Variants in QNG1 observed in about 807,000 individuals in gnomAD.
QNG1 encodes Q-nucleotide N-glycosylase 1.
chr9:83,946,465 G>T, the QNG1 span, among the ~76,000 whole-genome samples: 5 of 152,156 alleles, frequency 3.3e-5, no homozygotes, highest in South Asian at 2.1e-4. Flanking sequence ...GCTAGAAAAT[G>T]ATCATATTTA....
At chr9:83,945,713 TGCCTCA>T in the QNG1 span, among the ~76,000 whole-genome samples, 1 of 152,038 alleles carries the variant, frequency 6.6e-6, no homozygotes, top group South Asian at 2.1e-4. Flanking sequence ...GCCATTCTCC[TGCCTCA>T]GCCTCCCGAG....
chr9:83,947,345 C>T, the QNG1 span, among the ~76,000 whole-genome samples: 2 of 152,144 alleles, frequency 1.3e-5, no homozygotes, highest in Non-Finnish European at 2.9e-5. Context: ...GATGACACTA[C>T]AGATTCTTTT....
the QNG1 span, chr9:83,939,867 T>C: frequency 1.5e-6 from 1 of 667,526 alleles, no homozygotes; most frequent in Non-Finnish European, 2.6e-6. Context: ...ATCTCAGACG[T>C]TATTTTTGGT....
the QNG1 span, chr9:83,956,389 T>G: frequency 6.2e-7 from 1 of 1,603,142 alleles, no homozygotes; most frequent in Non-Finnish European, 8.5e-7. Flanking sequence ...CCCGCCGCCT[T>G]GGCCAGCAGC....
the QNG1 span, chr9:83,956,849 G>C: frequency 4.4e-5 from 10 of 229,342 alleles, no homozygotes; most frequent in Non-Finnish European, 5.9e-5. Context: ...GCCGTGAGTT[G>C]CCCACCCTGG....
At chr9:83,948,519 G>T in the QNG1 span, among the ~76,000 whole-genome samples, 31 of 147,136 alleles carry the variant, frequency 2.1e-4, no homozygotes, top group Admixed American at 1.5e-3. Context: ...GGGAGGGGGG[G>T]GGCGCCTCTG....
chr9:83,954,754 C>A, the QNG1 span, among the ~76,000 whole-genome samples: 1 of 149,798 alleles, frequency 6.7e-6, no homozygotes, highest in Admixed American at 6.7e-5. Flanking sequence ...GTGGCGGGCA[C>A]CTGTAATCCC....
the QNG1 span, among the ~76,000 whole-genome samples, chr9:83,943,331 C>CAAAAAAAAAAAAA: frequency 3.2e-5 from 2 of 62,548 alleles, no homozygotes; most frequent in Non-Finnish European, 7.0e-5. Flanking sequence ...CAGAGCGTCT[C>CAAAAAAAAAAAAA]AAAAAAAAAA....
the QNG1 span, among the ~76,000 whole-genome samples, chr9:83,941,885 G>A: frequency 4.6e-5 from 7 of 150,776 alleles, 1 homozygote; most frequent in Admixed American, 3.3e-4. Context: ...TGCACTGGGC[G>A]ACAAGAACAA....
At chr9:83,950,596 C>CTTTTTT in the QNG1 span, among the ~76,000 whole-genome samples, 2 of 118,324 alleles carry the variant, frequency 1.7e-5, no homozygotes, top group Non-Finnish European at 3.5e-5. Context: ...CTTTTCTTTT[C>CTTTTTT]TTTTTTTTTT....
chr9:83,956,838 G>T, the QNG1 span: 1 of 246,116 alleles, frequency 4.1e-6, no homozygotes, highest in Non-Finnish European at 7.8e-6. Context: ...GGCGTTCACC[G>T]GCCGTGAGTT....
chr9:83,942,835 T>C, the QNG1 span, among the ~76,000 whole-genome samples: 26,213 of 152,046 alleles, frequency 0.17, 2,816 homozygotes, highest in Non-Finnish European at 0.24. Context: ...TGAGTGCCAG[T>C]GGATATTGGA....
At chr9:83,944,892 G>C in the QNG1 span, 16 of 1,613,970 alleles carry the variant, frequency 9.9e-6, no homozygotes, top group Non-Finnish European at 1.4e-5. Context: ...GGTGATACTG[G>C]AGATGTCCTT....
the QNG1 span, chr9:83,956,145 T>C: frequency 1.9e-6 from 3 of 1,605,256 alleles, no homozygotes; most frequent in Non-Finnish European, 2.5e-6. Context: ...TTAGGTCCGA[T>C]GGCAAGTATG....
the QNG1 span, chr9:83,953,789 AT>A: frequency 6.5e-7 from 1 of 1,548,464 alleles, no homozygotes. Context: ...CAAAAACAAA[AT>A]CCGGGTGCAG....
At chr9:83,938,652 T>C in the QNG1 span, 1 of 149,436 alleles carries the variant, frequency 6.7e-6, no homozygotes, top group Non-Finnish European at 1.5e-5. Flanking sequence ...ACGATTTCCG[T>C]CAACTACATG....
the QNG1 span, among the ~76,000 whole-genome samples, chr9:83,943,024 C>G: frequency 6.6e-6 from 1 of 152,008 alleles, no homozygotes; most frequent in Non-Finnish European, 1.5e-5. Flanking sequence ...TTGAGTGAAG[C>G]CTCTGTGATG....
the QNG1 span, among the ~76,000 whole-genome samples, chr9:83,952,634 AATAC>A: frequency 6.6e-6 from 1 of 152,026 alleles, no homozygotes; most frequent in Non-Finnish European, 1.5e-5. Flanking sequence ...CTCTACTAAA[AATAC>A]AAAAAAATTA....
chr9:83,942,997 A>G, the QNG1 span, among the ~76,000 whole-genome samples: 8 of 152,206 alleles, frequency 5.3e-5, no homozygotes, highest in African/African-American at 1.9e-4. Context: ...ACAAATCACT[A>G]TAAGTGAGGA....
Sources: gnomAD v4.1 joint callset for allele counts (sites outside exome capture counted in the v4.1 genomes callset) on GRCh38, gnomAD v4.1.1 for gene constraint, MANE v1.5 for transcripts, NCBI Gene and HGNC (gene_info 2026-07-23, HGNC 2026-07-21) for gene names.